MOBP: variants seen among roughly 807,000 people sequenced by gnomAD.
MOBP encodes the protein myelin-associated oligodendrocyte basic protein.
In MOBP, 5 loss-of-function variants were observed where a neutral mutation model predicts 15.0. The observed-to-expected ratio is 0.33, with a 90% CI of 0.17 to 0.70. The LOEUF (loss-of-function observed/expected upper bound fraction) is 0.70. Among genes scored for constraint, MOBP ranks in the 30% least tolerant of loss-of-function variants. The probability of loss-of-function intolerance (pLI) is 0.67; values close to 1 mark genes in which losing one functional copy is unlikely to be tolerated. For missense variants in MOBP, 188 were observed against 257.8 expected (o/e 0.73, Z 1.85); for synonymous variants, 88 against 99.0 (o/e 0.89, Z 0.66).
At chr3:39,490,545 T>C (rs1768220) in intron 2 of MOBP, among the ~76,000 whole-genome samples, 45,317 of 152,058 alleles carry the variant, frequency 0.3, 9,133 homozygotes, top group African/African-American at 0.57. Context: ...TTCCCAGTTG[T>C]TTCCATCTCT....
At chr3:39,484,580 G>C (rs1478247530) in intron 2 of MOBP, among the ~76,000 whole-genome samples, 1 of 151,940 alleles carries the variant, frequency 6.6e-6, no homozygotes, top group African/African-American at 2.4e-5. Context: ...ACAATTCCAG[G>C]GTAAATTTGA....
downstream of MOBP, among the ~76,000 whole-genome samples, chr3:39,503,414 C>T (rs898565725): frequency 6.6e-6 from 1 of 152,116 alleles, no homozygotes; most frequent in Non-Finnish European, 1.5e-5. Flanking sequence ...AGTGAGGAAG[C>T]CGTGTTGTTT....
intron 4 of MOBP, among the ~76,000 whole-genome samples, chr3:39,512,141 C>CTGT (rs2043127820): frequency 6.6e-6 from 1 of 152,188 alleles, no homozygotes; most frequent in Admixed American, 6.5e-5. Flanking sequence ...GAGTTCAGGG[C>CTGT]TGTTGCTATA....
chr3:39,474,504 C>T (rs538935931), intron 1 of MOBP, among the ~76,000 whole-genome samples: 1 of 152,258 alleles, frequency 6.6e-6, no homozygotes, highest in African/African-American at 2.4e-5. Flanking sequence ...AGAAAAGATA[C>T]AGTAAAAATA....
downstream of MOBP, among the ~76,000 whole-genome samples, chr3:39,505,135 G>C (rs2043032070): frequency 6.6e-6 from 1 of 152,190 alleles, no homozygotes; most frequent in South Asian, 2.1e-4. Flanking sequence ...GATTTCACAA[G>C]GTTGTCCTTG....
chr3:39,497,800 C>T (rs1309745055), intron 2 of MOBP, among the ~76,000 whole-genome samples: 3 of 152,184 alleles, frequency 2.0e-5, no homozygotes, highest in Non-Finnish European at 1.5e-5. Flanking sequence ...AAGAACAATT[C>T]ACAGATCAGA....
intron 2 of MOBP, among the ~76,000 whole-genome samples, chr3:39,487,518 CTTTT>C (rs1216386382): frequency 1.1e-3 from 115 of 102,450 alleles, no homozygotes; most frequent in African/African-American, 2.9e-3. Flanking sequence ...AATTTTCTTT[CTTTT>C]TTTTTTTTTT....
At chr3:39,473,229 T>A (rs1469296943) in intron 1 of MOBP, among the ~76,000 whole-genome samples, 1 of 152,178 alleles carries the variant, frequency 6.6e-6, no homozygotes, top group Non-Finnish European at 1.5e-5. Flanking sequence ...TACTTCTGAT[T>A]TTATTTTTGT....
intron 2 of MOBP, among the ~76,000 whole-genome samples, chr3:39,487,518 CTTTTTTTTTTTT>C (rs1216386382): frequency 3.9e-5 from 4 of 102,496 alleles, no homozygotes; most frequent in African/African-American, 7.3e-5. Flanking sequence ...AATTTTCTTT[CTTTTTTTTTTTT>C]TTTTTTTTTT....
At chr3:39,497,644 C>T (rs1259937949) in intron 2 of MOBP, among the ~76,000 whole-genome samples, 1 of 152,278 alleles carries the variant, frequency 6.6e-6, no homozygotes, top group African/African-American at 2.4e-5. Context: ...GTTAATAATG[C>T]CACATTAAAA....
intron 2 of MOBP, among the ~76,000 whole-genome samples, chr3:39,484,033 C>G (rs2042664967): frequency 6.6e-6 from 1 of 152,156 alleles, no homozygotes. Flanking sequence ...ACTCTGTCCT[C>G]AAAGAGCTCA....
At chr3:39,495,937 T>C (rs1575304492) in intron 2 of MOBP, among the ~76,000 whole-genome samples, 1 of 151,762 alleles carries the variant, frequency 6.6e-6, no homozygotes, top group South Asian at 2.1e-4. Flanking sequence ...ATATAGAATA[T>C]AAACTATAGA....
chr3:39,502,630 C>T lies in MOBP; in HGVS notation c.302C>T (p.Pro101Leu). ...VRAPAKPRSP[P>L]RSERQPRSPP... ...GCGCCAGCCAAGCCACGGTCCCCTCCGAGGTCTGAGCGTCAGCCACGGTCC... is the reference window on the plus strand; with the variant it reads ...GCGCCAGCCAAGCCACGGTCCCCTCTGAGGTCTGAGCGTCAGCCACGGTCC... Residue 101 changes from proline to leucine, a missense_variant, in exon 4 of 4, where the codon CCG becomes CTG. By Grantham distance (98) the Pro-to-Leu change is moderately conservative. Around this residue, in one of 2 missense-constraint regions of MOBP, gnomAD observed 133 missense variants for 212.5 expected, o/e 0.63. Transcript: ENST00000684792. This position sits in a 1 kb window ranked among gnomAD's most constrained non-coding sequence, Gnocchi z 6.3. 1 of 1,548,102 alleles carries T rather than the reference C, an allele frequency of 6.5e-7. No homozygotes were observed. The highest frequency in any genetic ancestry group is 2.4e-5 in the East Asian group (1 of 41,696).
downstream of MOBP, among the ~76,000 whole-genome samples, chr3:39,521,002 A>G (rs1036101724): frequency 6.6e-6 from 1 of 150,918 alleles, no homozygotes; most frequent in African/African-American, 2.4e-5. Flanking sequence ...GCTGGAGTGC[A>G]GTGGCACAAT....
chr3:39,512,168 A>G (rs1346373834), intron 4 of MOBP, among the ~76,000 whole-genome samples: 1 of 152,346 alleles, frequency 6.6e-6, no homozygotes, highest in South Asian at 2.1e-4. Flanking sequence ...GGTCATCCCC[A>G]TTACCATCAA....
downstream of MOBP, among the ~76,000 whole-genome samples, chr3:39,517,400 T>G (rs1384795121): frequency 6.6e-6 from 1 of 152,090 alleles, no homozygotes; most frequent in Non-Finnish European, 1.5e-5. Context: ...AGAGATTGGT[T>G]TAGAGTACCC....
exon 5 of MOBP, chr3:39,515,126 A>G (rs1043691480): frequency 3.9e-5 from 6 of 152,344 alleles, no homozygotes; most frequent in African/African-American, 1.4e-4. Context: ...ACTGAAGCTG[A>G]TCATGAGATG....
downstream of MOBP, among the ~76,000 whole-genome samples, chr3:39,506,502 G>A (rs868174691): frequency 6.6e-6 from 1 of 152,030 alleles, no homozygotes; most frequent in Non-Finnish European, 1.5e-5. Flanking sequence ...AATTCTCACC[G>A]TGGGTTCCTG....
At chr3:39,495,330 T>C (rs2042862556) in intron 2 of MOBP, among the ~76,000 whole-genome samples, 1 of 151,990 alleles carries the variant, frequency 6.6e-6, no homozygotes. Context: ...GAAGAACTCA[T>C]CCATAATTAA....
Sources: gnomAD v4.1 joint callset for allele counts (sites outside exome capture counted in the v4.1 genomes callset) on GRCh38, gnomAD v4.1.1 for gene constraint, gnomAD v4.1.1 regional missense constraint, Gnocchi (gnomAD v3.1) non-coding constraint, MANE v1.5 for transcripts, NCBI Gene and HGNC (gene_info 2026-07-23, HGNC 2026-07-21) for gene names.